Variants in KCNH8 observed in about 807,000 individuals in gnomAD.
KCNH8 encodes voltage-gated delayed rectifier potassium channel KCNH8.
In KCNH8, 70 loss-of-function variants were observed where a neutral mutation model predicts 103.6. That is an observed-to-expected ratio of 0.68 (90% CI 0.56 to 0.82). The LOEUF is 0.82. KCNH8 is among the 40% of genes least tolerant of loss of function. The pLI, the probability that KCNH8 is intolerant of heterozygous loss-of-function variation, is 0.00. For synonymous variants in KCNH8, 498 were observed against 489.4 expected, an observed-to-expected ratio of 1.02 and a Z score of -0.23; for missense variants, 1,217 against 1,329.9, an observed-to-expected ratio of 0.92 and a Z score of 1.32.
chr3:19,380,327 C>G (rs999298871), intron 5 of KCNH8, among the ~76,000 whole-genome samples: 1 of 152,190 alleles, frequency 6.6e-6, no homozygotes, highest in Non-Finnish European at 1.5e-5. Flanking sequence ...ATTGGTGACT[C>G]TTTTGATAGT....
chr3:19,182,187 CA>C (rs1336680991), intron 1 of KCNH8, among the ~76,000 whole-genome samples: 1 of 152,170 alleles, frequency 6.6e-6, no homozygotes, highest in Non-Finnish European at 1.5e-5. Context: ...AATCTGGGCT[CA>C]GCTGTGTGAC....
At chr3:19,484,789 C>T (rs992315502) in intron 11 of KCNH8, among the ~76,000 whole-genome samples, 3 of 152,034 alleles carry the variant, frequency 2.0e-5, no homozygotes, top group Admixed American at 2.0e-4. Context: ...CTCTTATTTA[C>T]CTAAGTTGAG....
intron 5 of KCNH8, among the ~76,000 whole-genome samples, chr3:19,365,376 TG>T (rs1385392995): frequency 2.0e-5 from 3 of 152,112 alleles, no homozygotes; most frequent in Non-Finnish European, 4.4e-5. Flanking sequence ...TATGCAAACT[TG>T]GGGAATATTT....
chr3:19,254,866 A>T (rs2064327255), intron 2 of KCNH8, among the ~76,000 whole-genome samples: 1 of 152,254 alleles, frequency 6.6e-6, no homozygotes, highest in East Asian at 1.9e-4. Context: ...TATGAGAAGG[A>T]GTATTTTGTG....
At chr3:19,509,100 T>G (rs1224967616) in intron 11 of KCNH8, among the ~76,000 whole-genome samples, 2 of 152,240 alleles carry the variant, frequency 1.3e-5, no homozygotes, top group Non-Finnish European at 2.9e-5. Flanking sequence ...TTCAGCTGTT[T>G]TATTTGTCAC....
At chr3:19,263,573 C>T (rs2064464824) in intron 2 of KCNH8, among the ~76,000 whole-genome samples, 1 of 152,034 alleles carries the variant, frequency 6.6e-6, no homozygotes, top group Non-Finnish European at 1.5e-5. Context: ...TACGCAAGGC[C>T]TCGTCAGCAT....
At chr3:19,475,301 T>A (rs888571202) in intron 11 of KCNH8, among the ~76,000 whole-genome samples, 1 of 148,772 alleles carries the variant, frequency 6.7e-6, no homozygotes, top group Non-Finnish European at 1.5e-5. Context: ...AATAACTAAA[T>A]TAAGTAGTTC....
intron 11 of KCNH8, among the ~76,000 whole-genome samples, chr3:19,510,117 T>G (rs1484541709): frequency 1.3e-5 from 2 of 152,148 alleles, no homozygotes; most frequent in African/African-American, 4.8e-5. Context: ...AACTTGGTGC[T>G]CCTTTTCTCA....
intron 3 of KCNH8, among the ~76,000 whole-genome samples, chr3:19,308,535 A>AAT (rs1336070581): frequency 6.6e-6 from 1 of 151,940 alleles, no homozygotes; most frequent in African/African-American, 2.4e-5. Context: ...TGAAATCCAG[A>AAT]ATGTCACACT....
intron 1 of KCNH8, among the ~76,000 whole-genome samples, chr3:19,242,529 A>C (rs1472956143): frequency 6.6e-6 from 1 of 152,208 alleles, no homozygotes; most frequent in Non-Finnish European, 1.5e-5. Context: ...GAAAACCATA[A>C]GATCAAAGGG....
intron 5 of KCNH8, among the ~76,000 whole-genome samples, chr3:19,350,616 G>C (rs888093010): frequency 6.6e-6 from 1 of 152,090 alleles, no homozygotes; most frequent in East Asian, 1.9e-4. Context: ...AGGCAAACAG[G>C]GTCTAGAGTG....
chr3:19,279,182 T>C (rs558353370), intron 2 of KCNH8, among the ~76,000 whole-genome samples: 137 of 152,234 alleles, frequency 9.0e-4, no homozygotes, highest in African/African-American at 3.1e-3. Context: ...AGCTACAGCA[T>C]TGAAAAAGGC....
At chr3:19,493,721 G>T (rs1215495631) in intron 11 of KCNH8, among the ~76,000 whole-genome samples, 1 of 151,834 alleles carries the variant, frequency 6.6e-6, no homozygotes, top group East Asian at 1.9e-4. Flanking sequence ...TATGATATTG[G>T]CTGTGGCTTT....
intron 3 of KCNH8, among the ~76,000 whole-genome samples, chr3:19,285,399 A>C (rs73819512): frequency 3.7e-4 from 56 of 152,176 alleles, no homozygotes; most frequent in African/African-American, 1.2e-3. Context: ...TCAGGAACTG[A>C]GTTTCCTCAT....
At chr3:19,328,418 T>A (rs909820935) in intron 3 of KCNH8, among the ~76,000 whole-genome samples, 1 of 152,174 alleles carries the variant, frequency 6.6e-6, no homozygotes, top group African/African-American at 2.4e-5. Flanking sequence ...CCATGATGAA[T>A]TTGGGGGTCT....
At chr3:19,252,988 A>T (rs914038794) in intron 1 of KCNH8, among the ~76,000 whole-genome samples, 1 of 152,152 alleles carries the variant, frequency 6.6e-6, no homozygotes, top group Admixed American at 6.5e-5. Flanking sequence ...TTGACATCCC[A>T]GGAGTGAACT....
At chr3:19,522,644 C>G (rs1253765884) in intron 15 of KCNH8, among the ~76,000 whole-genome samples, 1 of 151,860 alleles carries the variant, frequency 6.6e-6, no homozygotes, top group Non-Finnish European at 1.5e-5. Context: ...CCCAGTCAAG[C>G]TGGCATACAA....
chr3:19,210,268 G>GT (rs372235630), intron 1 of KCNH8, among the ~76,000 whole-genome samples: 18 of 151,778 alleles, frequency 1.2e-4, no homozygotes, highest in Admixed American at 1.1e-3. Flanking sequence ...GGCTCTCGAT[G>GT]TTTTTTTTCT....
intron 1 of KCNH8, among the ~76,000 whole-genome samples, chr3:19,174,226 T>C (rs1422275047): frequency 6.6e-6 from 1 of 152,168 alleles, no homozygotes; most frequent in East Asian, 1.9e-4. Context: ...TCAGTAATGT[T>C]CTGGCACCTC....
Sources: allele counts gnomAD v4.1 joint callset (sites outside exome capture counted in the v4.1 genomes callset), GRCh38; gene constraint gnomAD v4.1.1; transcripts MANE v1.5; gene names NCBI Gene and HGNC (gene_info 2026-07-23, HGNC 2026-07-21).